Variants in ADAM9 observed in about 807,000 individuals in gnomAD.
ADAM9 encodes ADAM metallopeptidase domain 9.
Under a neutral mutation model 108.1 loss-of-function variants are expected in ADAM9, and 54 were observed. That is an observed-to-expected ratio of 0.50 (90% CI 0.40 to 0.63). The LOEUF (loss-of-function observed/expected upper bound fraction) is 0.63. ADAM9 is among the 20% of genes least tolerant of loss of function. The pLI, the probability that ADAM9 is intolerant of heterozygous loss-of-function variation, is 0.00. For missense variants in ADAM9, 830 were observed against 997.7 expected, an observed-to-expected ratio of 0.83 and a Z score of 2.26; for synonymous variants, 316 against 336.0, an observed-to-expected ratio of 0.94 and a Z score of 0.65.
chr8:39,064,433 AT>A lies in ADAM9; in HGVS notation c.1592-6863del, dbSNP rs1311579917. 3.9e-5 allele frequency among the ~76,000 whole-genome samples: 6 copies of A among 152,296 alleles called. No homozygotes were observed. In the East Asian group the frequency reaches 1.2e-3, roughly 29 times the overall value. ...ATATATACATATTATATATATGTTTATTCATTTATTATAAGCAATTGGCTCA... is the reference window on the plus strand; with the variant it reads ...ATATATACATATTATATATATGTTTATCATTTATTATAAGCAATTGGCTCA... On this transcript the variant is annotated intron_variant, in intron 14 of 21. Transcript: ENST00000487273.
chr8:39,034,709 T>C (rs1256440056), intron 11 of ADAM9, among the ~76,000 whole-genome samples: 2 of 152,222 alleles, frequency 1.3e-5, no homozygotes, highest in Admixed American at 1.3e-4. Flanking sequence ...TGTCTTTTGC[T>C]TTCCATGTTG....
chr8:39,035,568 T>G (rs199766688), intron 11 of ADAM9, among the ~76,000 whole-genome samples: 1 of 152,062 alleles, frequency 6.6e-6, no homozygotes, highest in African/African-American at 2.4e-5. Context: ...CCTGTAATCC[T>G]AGCACTTTGG....
rs113070942 is a variant in ADAM9 at position 39,099,325 on chromosome 8, G to A, written c.2299-2538G>A. ...CTCCGTAGTTTGGACTCTTTCATAC[G>A]TTCTTGGTTTTTTTTTGGCCTGTAA... On this transcript the variant is annotated intron_variant, in intron 20 of 21. Transcript: ENST00000487273. Among the ~76,000 whole-genome samples, 1,219 of 152,112 alleles carry A rather than the reference G, an allele frequency of 8.0e-3. 24 individuals are homozygous for A. The highest frequency in any genetic ancestry group is 0.028 in the African/African-American group (1,157 of 41,498).
chr8:39,102,111 G>T (rs905833619), intron 21 of ADAM9, among the ~76,000 whole-genome samples, 181 bp downstream of exon 21: 2 of 152,142 alleles, frequency 1.3e-5, no homozygotes, highest in Non-Finnish European at 2.9e-5. Context: ...TATTGGTACA[G>T]GGTCAAAATG....
At chr8:39,014,658 G>A (rs1292450888) in intron 4 of ADAM9, 4 of 680,660 alleles carry the variant, frequency 5.9e-6, no homozygotes, top group Non-Finnish European at 1.1e-5. Flanking sequence ...TGGCAGTTAG[G>A]TATTATACCT....
intron 20 of ADAM9, among the ~76,000 whole-genome samples, chr8:39,096,216 T>C (rs1839500611): frequency 6.7e-6 from 1 of 148,544 alleles, no homozygotes; most frequent in Non-Finnish European, 1.5e-5. Context: ...ATCATTTCTA[T>C]GTTAGGAACA....
chr8:39,002,309 A>ATTTTTTTT (rs1836020341), intron 1 of ADAM9, among the ~76,000 whole-genome samples: 1 of 107,512 alleles, frequency 9.3e-6, no homozygotes, highest in Non-Finnish European at 2.0e-5. Flanking sequence ...ATTAGGTAGA[A>ATTTTTTTT]TTCTTTTTTT....
At chr8:39,098,876 T>C (rs1224856818) in intron 20 of ADAM9, among the ~76,000 whole-genome samples, 2 of 152,186 alleles carry the variant, frequency 1.3e-5, no homozygotes, top group Non-Finnish European at 2.9e-5. Flanking sequence ...TTATAGTGGG[T>C]TCCTACCGAG....
intron 11 of ADAM9, among the ~76,000 whole-genome samples, chr8:39,029,061 A>G (rs1837015538): frequency 6.6e-6 from 1 of 152,172 alleles, no homozygotes; most frequent in Non-Finnish European, 1.5e-5. Context: ...TTAAATATGA[A>G]GATAACATGA....
Position 39,090,174 on chromosome 8 carries a change from A to G in ADAM9, c.2196A>G (p.Arg732=). 1 of 1,613,630 alleles carries G rather than the reference A, an allele frequency of 6.2e-7. No individual in the cohort carries two copies. The highest frequency in any genetic ancestry group is 8.5e-7 in the Non-Finnish European group (1 of 1,179,708). ...GGAGAAGCTACTTCAGAAAGAAGAG[A>G]TCACAAACATATGAGTACTTAGATT... ...QLWRSYFRKK[R]SQTYESDGKN... is the part of the protein sequence containing the mutation. The change falls in exon 19 of 22, where the codon AGA becomes AGG. Residue 732 remains arginine, a synonymous_variant. Transcript: ENST00000487273.
chr8:39,102,114 T>C (rs531958291), intron 21 of ADAM9, among the ~76,000 whole-genome samples, 184 bp downstream of exon 21: 2 of 152,210 alleles, frequency 1.3e-5, no homozygotes, highest in South Asian at 2.1e-4. Flanking sequence ...TGGTACAGGG[T>C]CAAAATGAAA....
intron 1 of ADAM9, among the ~76,000 whole-genome samples, chr8:39,007,341 C>T (rs13282047): frequency 0.3 from 45,056 of 152,134 alleles, 6,784 homozygotes; most frequent in Non-Finnish European, 0.33. Flanking sequence ...CTACACCCCA[C>T]CTCCCAACAC....
chr8:39,079,273 T>A (rs1351047426), intron 16 of ADAM9, among the ~76,000 whole-genome samples: 1 of 152,168 alleles, frequency 6.6e-6, no homozygotes, highest in African/African-American at 2.4e-5. Flanking sequence ...CTGGCTAATT[T>A]TTTTTAATTT....
intron 5 of ADAM9, among the ~76,000 whole-genome samples, chr8:39,016,424 CTAAA>C (rs1425780451): frequency 6.6e-6 from 1 of 152,014 alleles, no homozygotes; most frequent in Non-Finnish European, 1.5e-5. Flanking sequence ...TTTGAGACCA[CTAAA>C]TCATTTTTGC....
At chr8:39,090,381 G>A (rs1298433217) in intron 19 of ADAM9, among the ~76,000 whole-genome samples, 193 bp downstream of exon 19, 3 of 151,940 alleles carry the variant, frequency 2.0e-5, no homozygotes, top group African/African-American at 7.2e-5. Context: ...CATGTTGCCC[G>A]GGCTGGTCTT....
At chr8:39,071,263 T>A in intron 14 of ADAM9, 35 bp from the exon 15 acceptor site, 1 of 1,576,410 alleles carries the variant, frequency 6.3e-7, no homozygotes, top group Middle Eastern at 1.7e-4. Flanking sequence ...TTGCCATAAC[T>A]TTTTTTTTCT....
intron 14 of ADAM9, among the ~76,000 whole-genome samples, chr8:39,059,922 C>A (rs1838244949): frequency 6.6e-6 from 1 of 152,194 alleles, no homozygotes; most frequent in African/African-American, 2.4e-5. Flanking sequence ...GAGTGGGGAG[C>A]AGGGGCATGT....
chr8:39,077,309 G>T lies in ADAM9; in HGVS notation c.1779G>T (p.Thr593=). 1 of 1,614,048 alleles carries T rather than the reference G, an allele frequency of 6.2e-7. No individual in the cohort carries two copies. The highest frequency in any genetic ancestry group is 8.5e-7 in the Non-Finnish European group (1 of 1,179,994). ...VFGIVPAIIQ[T]PSRGTKCWGV... ...GAATTGTGCCTGCTATTATTCAAACGCCTAGTCGAGGCACCAAATGTTGGG... is the reference window on the plus strand; with the variant it reads ...GAATTGTGCCTGCTATTATTCAAACTCCTAGTCGAGGCACCAAATGTTGGG... The change falls in exon 16 of 22, where the codon ACG becomes ACT. Residue 593 remains threonine (T), a synonymous_variant. Transcript: ENST00000487273.
intron 11 of ADAM9, among the ~76,000 whole-genome samples, chr8:39,036,255 A>G (rs1837272251): frequency 6.6e-6 from 1 of 152,092 alleles, no homozygotes; most frequent in Non-Finnish European, 1.5e-5. Flanking sequence ...TTCTAGAAAA[A>G]TGGCTTTCTT....
Sources: allele counts gnomAD v4.1 joint callset (sites outside exome capture counted in the v4.1 genomes callset), GRCh38; gene constraint gnomAD v4.1.1; transcripts MANE v1.5; gene names NCBI Gene and HGNC (gene_info 2026-07-23, HGNC 2026-07-21).